The following MPRIP variants were observed in gnomAD, a reference collection of about 807,000 sequenced individuals.
MPRIP encodes the protein myosin phosphatase Rho interacting protein.
MPRIP carries 59 observed loss-of-function variants against 234.9 expected under a neutral mutation model. That is an observed-to-expected ratio of 0.25 (90% CI 0.20 to 0.31). The LOEUF (loss-of-function observed/expected upper bound fraction) is 0.31, where lower values mean the gene tolerates loss of function less well. Ranked by LOEUF, MPRIP falls within the 10% of genes least tolerant of loss-of-function variation. The pLI is 1.00. For synonymous variants in MPRIP, 1,144 were observed against 1,263.9 expected, an observed-to-expected ratio of 0.91 and a Z score of 2.01; for missense variants, 2,436 against 3,071.0, an observed-to-expected ratio of 0.79 and a Z score of 4.89.
In MPRIP at chr17:17,165,743, C is replaced by G; in HGVS notation, c.4152C>G (p.His1384Gln). ...GDSDTYLSIIHSLETKLYVTE... is the reference protein window; with the variant it reads ...GDSDTYLSIIQSLETKLYVTE... Reference sequence around the variant, plus strand: ...CTGACACGTACCTCTCCATCATCCACTCCCTGGAGACCAAGCTCTACGTCA... The same window carrying G: ...CTGACACGTACCTCTCCATCATCCAGTCCCTGGAGACCAAGCTCTACGTCA... Residue 1384 changes from histidine to glutamine, a missense_variant, in exon 16 of 24, where the codon CAC becomes CAG. Coordinates refer to ENST00000651222, the MANE Select transcript of MPRIP (RefSeq NM_001364716.4). 1 of 1,304,954 alleles carries G rather than the reference C, an allele frequency of 7.7e-7. No homozygotes were observed. The highest frequency in any genetic ancestry group is 5.5e-5 in the East Asian group (1 of 18,030). The allele number at this position is 1,304,954 out of a possible 1,614,324, so 80.8% of individuals were successfully genotyped here.
At chr17:17,176,627 G>A in intron 21 of MPRIP, 115 bp downstream of exon 21, 1 of 810,850 alleles carries the variant, frequency 1.2e-6, no homozygotes, top group Non-Finnish European at 2.0e-6. Flanking sequence ...TTTTACTCTT[G>A]TGAGGAAGGA....
intron 22 of MPRIP, chr17:17,179,508 ACT>A (rs1204584505): frequency 6.6e-6 from 1 of 152,120 alleles, no homozygotes; most frequent in African/African-American, 2.4e-5. Context: ...GTGTGATATG[ACT>A]CAGTATCTGT....
intron 4 of MPRIP, among the ~76,000 whole-genome samples, chr17:17,128,649 C>T (rs2090538671): frequency 6.6e-6 from 1 of 152,194 alleles, no homozygotes; most frequent in South Asian, 2.1e-4. Context: ...TCTTCCCCTT[C>T]CCCTCGCCCT....
At chr17:17,156,451 A>G (rs971740913) in intron 13 of MPRIP, among the ~76,000 whole-genome samples, 13 of 152,172 alleles carry the variant, frequency 8.5e-5, no homozygotes, top group African/African-American at 2.7e-4. Flanking sequence ...GTAGGCTTTT[A>G]TTATTTGAGG....
At position 17,143,763 on chromosome 17, in the gene MPRIP, C is replaced by T. The variant is rs551168475; in HGVS notation, c.1503+94C>T. ...GTTTCTGTCTATGCGTCCATGCCAG[C>T]TGTCCCTCTGTGCACAGGCCCTCGT... On this transcript the variant is annotated intron_variant, in intron 9 of 23. Transcript: ENST00000651222. The T allele has an allele frequency of 2.4e-5, 18 of 749,978 alleles. No homozygotes were observed. In the South Asian group the frequency reaches 3.3e-4, roughly 14 times the overall value. 46.5% of individuals were successfully genotyped at this position (749,978 alleles called of 1,614,324 possible). A position where few individuals can be genotyped will look rare whatever the true frequency, so the allele number is the denominator to read the frequency against.
intron 4 of MPRIP, among the ~76,000 whole-genome samples, chr17:17,129,507 C>T (rs1406134129): frequency 2.0e-5 from 3 of 152,202 alleles, no homozygotes; most frequent in African/African-American, 7.2e-5. Flanking sequence ...CCCTGCATCT[C>T]TGCGACTCCA....
intron 3 of MPRIP, among the ~76,000 whole-genome samples, chr17:17,095,314 T>C (rs2089814152): frequency 6.6e-6 from 1 of 152,174 alleles, no homozygotes; most frequent in Non-Finnish European, 1.5e-5. Flanking sequence ...TGTGTGTGTA[T>C]ATGGGGTGCG....
intron 3 of MPRIP, among the ~76,000 whole-genome samples, chr17:17,113,883 T>TC (rs2090224739): frequency 7.1e-6 from 1 of 140,374 alleles, no homozygotes; most frequent in South Asian, 2.3e-4. Context: ...TTCTTTTCTT[T>TC]TCTTTTTTTT....
At chr17:17,157,121 T>C (rs2045746959) in intron 13 of MPRIP, among the ~76,000 whole-genome samples, 1 of 152,208 alleles carries the variant, frequency 6.6e-6, no homozygotes, top group South Asian at 2.1e-4. Context: ...GGCCTATCTC[T>C]AGAGTCTACA....
In MPRIP at chr17:17,147,331, T is replaced by C; in HGVS notation, c.1573T>C (p.Trp525Arg). Residue 525 changes from tryptophan (W) to arginine (R), a missense_variant, in exon 11 of 24, where the codon TGG (tryptophan) becomes CGG (arginine). Coordinates refer to ENST00000651222, the MANE Select transcript of MPRIP (RefSeq NM_001364716.4). ...TCTTCCCCTTTAGTGGAAGAAACAC[T>C]GGTTTGTCCTCGCCGATCAAAGCCT... ...QYEDGQWKKH[W>R]FVLADQSLRY... is the part of the protein sequence containing the mutation. 1.2e-6 allele frequency: 2 copies of C among 1,614,106 alleles called. No individual in the cohort carries two copies. The highest frequency in any genetic ancestry group is 1.7e-6 in the Non-Finnish European group (2 of 1,179,978).
At chr17:17,073,726 G>T (rs2089258165) in intron 1 of MPRIP, among the ~76,000 whole-genome samples, 1 of 152,196 alleles carries the variant, frequency 6.6e-6, no homozygotes, top group South Asian at 2.1e-4. Flanking sequence ...TGGGTGGGGT[G>T]TGGAGAGGCC....
intron 9 of MPRIP, among the ~76,000 whole-genome samples, chr17:17,145,435 C>T (rs2045439598): frequency 1.3e-5 from 2 of 152,194 alleles, no homozygotes; most frequent in Admixed American, 6.5e-5. Flanking sequence ...TGTGTCTGGG[C>T]GGCACAGGTG....
At chr17:17,070,468 T>A (rs2089165822) in intron 1 of MPRIP, among the ~76,000 whole-genome samples, 1 of 152,218 alleles carries the variant, frequency 6.6e-6, no homozygotes, top group Non-Finnish European at 1.5e-5. Flanking sequence ...TTTCCTCTGT[T>A]ATTAGATGGG....
At chr17:17,096,511 A>G (rs535566532) in intron 3 of MPRIP, among the ~76,000 whole-genome samples, 27 of 152,330 alleles carry the variant, frequency 1.8e-4, no homozygotes, top group African/African-American at 5.3e-4. Flanking sequence ...CCAAGGGTTA[A>G]TGATGACTGT....
At chr17:17,058,491 A>C (rs1037473987) in intron 1 of MPRIP, among the ~76,000 whole-genome samples, 12 of 133,576 alleles carry the variant, frequency 9.0e-5, no homozygotes, top group Admixed American at 8.8e-4. Flanking sequence ...GGGAGTGGGG[A>C]CCCGGGGAGG....
At chr17:17,117,988 C>G (rs1173505719) in intron 3 of MPRIP, among the ~76,000 whole-genome samples, 2 of 152,232 alleles carry the variant, frequency 1.3e-5, no homozygotes, top group Non-Finnish European at 2.9e-5. Context: ...TACCTTAGAT[C>G]TCAGAACTTC....
chr17:17,127,923 C>T (rs2090524315), intron 4 of MPRIP, among the ~76,000 whole-genome samples: 1 of 152,108 alleles, frequency 6.6e-6, no homozygotes, highest in Non-Finnish European at 1.5e-5. Flanking sequence ...GGGGCGCTCT[C>T]TGCGGGGGTG....
rs958861361 is a variant in MPRIP at position 17,188,479 on chromosome 17, C to T, written c.*3585C>T. Reference sequence around the variant, plus strand: ...TGTTTCTGCAGCAGCCACCAGCTCCCATCACCCCTTGACCCTCCAGCTCAT... The same window carrying T: ...TGTTTCTGCAGCAGCCACCAGCTCCTATCACCCCTTGACCCTCCAGCTCAT... On this transcript the variant is annotated 3_prime_UTR_variant, in exon 24 of 24. Transcript: ENST00000651222. 1 of 152,314 alleles carries T rather than the reference C, an allele frequency of 6.6e-6. No individual in the cohort carries two copies. Among genetic ancestry groups the T allele is most frequent in the African/African-American group, 2.4e-5 (1 of 41,456 alleles). 9.4% of individuals were successfully genotyped at this position (152,314 alleles called of 1,614,324 possible). A position where few individuals can be genotyped will look rare whatever the true frequency, so the allele number is the denominator to read the frequency against.
chr17:17,151,798 C>T (rs528852401), intron 12 of MPRIP, among the ~76,000 whole-genome samples: 1 of 152,332 alleles, frequency 6.6e-6, no homozygotes, highest in South Asian at 2.1e-4. Flanking sequence ...AAAGTTAGTT[C>T]GTCACTCGCA....
Sources: allele counts gnomAD v4.1 joint callset (sites outside exome capture counted in the v4.1 genomes callset), GRCh38; gene constraint gnomAD v4.1.1; transcripts MANE v1.5; gene names NCBI Gene and HGNC (gene_info 2026-07-23, HGNC 2026-07-21).